Variants in ZNF2 observed in about 807,000 individuals in gnomAD.
ZNF2 encodes zinc finger protein 2.
Under a neutral mutation model 21.9 loss-of-function variants are expected in ZNF2, and 12 were observed. The observed-to-expected ratio is 0.55, with a 90% CI of 0.35 to 0.89. ZNF2 has a LOEUF of 0.89. Ranked by LOEUF, ZNF2 falls within the 40% of genes least tolerant of loss-of-function variation. The pLI, the probability that ZNF2 is intolerant of heterozygous loss-of-function variation, is 0.01. For missense variants in ZNF2, 462 were observed against 544.2 expected (o/e 0.85, Z 1.50); for synonymous variants, 186 against 196.3 (o/e 0.95, Z 0.44).
intron 1 of ZNF2, among the ~76,000 whole-genome samples, chr2:95,167,399 G>A (rs867705334): frequency 4.6e-5 from 7 of 151,590 alleles, no homozygotes; most frequent in South Asian, 2.1e-4. Context: ...CCGGCTACTC[G>A]GGAGGCTGAG....
intron 1 of ZNF2, among the ~76,000 whole-genome samples, chr2:95,168,004 T>C (rs1674141833): frequency 6.6e-6 from 1 of 151,920 alleles, no homozygotes; most frequent in Admixed American, 6.6e-5. Context: ...ACAACCTAAA[T>C]GAGAACTGCT....
chr2:95,177,684 C>G, intron 3 of ZNF2, 75 bp downstream of exon 3: 2 of 1,515,208 alleles, frequency 1.3e-6, no homozygotes, highest in Non-Finnish European at 1.8e-6. Context: ...GGAATTAATA[C>G]CGTTCTCCTC....
intron 1 of ZNF2, among the ~76,000 whole-genome samples, chr2:95,172,012 C>A (rs1030735495): frequency 6.6e-6 from 1 of 152,176 alleles, no homozygotes; most frequent in African/African-American, 2.4e-5. Flanking sequence ...TAGAGGAATC[C>A]GTATATAGGC....
chr2:95,180,992 G>A lies in ZNF2; in HGVS notation c.275-111G>A, dbSNP rs769792608. ...CTGCCGTGTAAGACTATCTATGGGA[G>A]CAAGCAATGCAGTGACCATACATTA... is the stretch of plus-strand genomic sequence containing the variant. On this transcript the variant is annotated intron_variant, in intron 4 of 4. Coordinates refer to ENST00000614034, the MANE Select transcript of ZNF2 (RefSeq NM_021088.4). The A allele has an allele frequency of 4.3e-4, 558 of 1,311,282 alleles. 1 individual carries two copies. Among genetic ancestry groups the A allele is most frequent in the Non-Finnish European group, 5.5e-4 (517 of 944,800 alleles). 81.2% of individuals were successfully genotyped at this position (1,311,282 alleles called of 1,614,324 possible).
rs183000994 is a variant in ZNF2 at position 95,184,118 on chromosome 2, A to G, written c.*2012A>G. On this transcript the variant is annotated 3_prime_UTR_variant, in exon 5 of 5. Coordinates refer to ENST00000614034, the MANE Select transcript of ZNF2 (RefSeq NM_021088.4). ...GTTCAAGTCGGATTCGAGAAGCTGAATTACCAAACAGACCCTCCCCAACCT... is the reference window on the plus strand; with the variant it reads ...GTTCAAGTCGGATTCGAGAAGCTGAGTTACCAAACAGACCCTCCCCAACCT... 5 of 152,344 alleles carry G rather than the reference A, an allele frequency of 3.3e-5. No homozygotes were observed. Among genetic ancestry groups the G allele is most frequent in the Non-Finnish European group, 7.3e-5 (5 of 68,044 alleles). The allele number at this position is 152,344 out of a possible 1,614,324, so 9.4% of individuals were successfully genotyped here.
At chr2:95,179,453 A>G (rs538965965) in intron 3 of ZNF2, among the ~76,000 whole-genome samples, 237 of 152,350 alleles carry the variant, frequency 1.6e-3, no homozygotes, top group Non-Finnish European at 1.9e-3. Flanking sequence ...TGAAAGCACA[A>G]TGTTCAAGGC....
At chr2:95,177,345 T>A in intron 2 of ZNF2, 138 bp from the exon 3 acceptor site, 1 of 1,016,194 alleles carries the variant, frequency 9.8e-7, no homozygotes, top group Non-Finnish European at 1.4e-6. Flanking sequence ...TCCCAAATGC[T>A]TTAAAGTTCT....
Position 95,176,250 on chromosome 2 carries a change from C to G in ZNF2, c.24C>G (p.Thr8=). 18 of 1,614,178 alleles carry G rather than the reference C, an allele frequency of 1.1e-5. No individual in the cohort carries two copies. Among genetic ancestry groups the G allele is most frequent in the Non-Finnish European group, 1.5e-5 (18 of 1,180,040 alleles). Residue 8 remains threonine, a synonymous_variant, in exon 2 of 5, where the codon ACC becomes ACG. Transcript: ENST00000614034. MAAVSPT[T]RCQESVTFED... ...GAATGGCTGCTGTGTCTCCGACCAC[C>G]AGATGCCAGGTGAGGTGGACTTTTG...
At position 95,183,965 on chromosome 2, in the gene ZNF2, C is replaced by A. The variant is rs1307926068; in HGVS notation, c.*1859C>A. 6.6e-6 allele frequency: 1 copy of A among 152,102 alleles called. No individual in the cohort carries two copies. Among genetic ancestry groups the A allele is most frequent in the African/African-American group, 2.4e-5 (1 of 41,426 alleles). The allele number at this position is 152,102 out of a possible 1,614,324, so 9.4% of individuals were successfully genotyped here. ...GGTTAGGCACTAGATGACCTTGACTCTAGGCATCTGCATTCTCTTGATCTT... is the reference window on the plus strand; with the variant it reads ...GGTTAGGCACTAGATGACCTTGACTATAGGCATCTGCATTCTCTTGATCTT... On this transcript the variant is annotated 3_prime_UTR_variant, in exon 5 of 5. Coordinates refer to ENST00000614034, the MANE Select transcript of ZNF2 (RefSeq NM_021088.4).
chr2:95,175,427 G>C (rs1358023679), intron 1 of ZNF2, among the ~76,000 whole-genome samples: 3 of 152,160 alleles, frequency 2.0e-5, no homozygotes, highest in Admixed American at 1.3e-4. Context: ...GCTTCCCCCT[G>C]CCTGCCTCTG....
rs1240209577 is a variant in ZNF2 at position 95,183,643 on chromosome 2, C to CA, written c.*1538dup. On this transcript the variant is annotated 3_prime_UTR_variant, in exon 5 of 5. Transcript: ENST00000614034. ...TTTTTTTTTTTTTTTTTTTGTGAGA[C>CA]AGAGTCTCACTCTGTCACCCAGGTT... 2 of 113,190 alleles carry CA rather than the reference C, an allele frequency of 1.8e-5. No individual in the cohort carries two copies. The highest frequency in any genetic ancestry group is 3.3e-5 in the Non-Finnish European group (2 of 59,924). 7.0% of individuals were successfully genotyped at this position (113,190 alleles called of 1,614,324 possible). A position where few individuals can be genotyped will look rare whatever the true frequency, so the allele number is the denominator to read the frequency against.
chr2:95,181,196 C>A lies in ZNF2; in HGVS notation c.368C>A (p.Pro123His). Residue 123 changes from proline to histidine, a missense_variant, in exon 5 of 5, where the codon CCT (proline) becomes CAT (histidine). Coordinates refer to ENST00000614034, the MANE Select transcript of ZNF2 (RefSeq NM_021088.4). ...ECLGRQSPLC[P>H]KFEVHTPNGR... ...CTTGGAAGGCAAAGTCCTCTGTGTC[C>A]TAAATTTGAAGTTCATACACCCAAT... is the stretch of plus-strand genomic sequence containing the variant. 1 of 1,614,146 alleles carries A rather than the reference C, an allele frequency of 6.2e-7. No individual in the cohort carries two copies. The highest frequency in any genetic ancestry group is 8.5e-7 in the Non-Finnish European group (1 of 1,180,036).
chr2:95,176,120 A>C, intron 1 of ZNF2, 68 bp from the exon 2 acceptor site: 2 of 1,399,906 alleles, frequency 1.4e-6, no homozygotes, highest in South Asian at 2.3e-5. Context: ...TTCATGGGTC[A>C]AAAGACTATG....
rs1349620572 is a variant in ZNF2, at chr2:95,177,685, C to T, written c.160+76C>T. ...GCTGAGAGGGCTGAGGAATTAATAC[C>T]GTTCTCCTCCCCGCTGAGTTCTGAG... On this transcript the variant is annotated intron_variant, in intron 3 of 4. Transcript: ENST00000614034. 8.6e-6 allele frequency: 13 copies of T among 1,513,146 alleles called. No individual in the cohort carries two copies. In the East Asian group the frequency reaches 1.4e-4, roughly 16 times the overall value. 93.7% of individuals were successfully genotyped at this position (1,513,146 alleles called of 1,614,324 possible).
chr2:95,177,293 T>C (rs950031782), intron 2 of ZNF2, among the ~76,000 whole-genome samples, 190 bp from the exon 3 acceptor site: 1 of 151,954 alleles, frequency 6.6e-6, no homozygotes, highest in African/African-American at 2.4e-5. Context: ...TGGTGTGAGA[T>C]TCTGACCAAG....
chr2:95,174,514 AT>A (rs1388072209), intron 1 of ZNF2, among the ~76,000 whole-genome samples: 3 of 152,130 alleles, frequency 2.0e-5, no homozygotes, highest in Admixed American at 6.6e-5. Context: ...AATCCTTTCC[AT>A]GTAAAGACCT....
rs561742502 is a variant in ZNF2 at position 95,180,115 on chromosome 2, TC to T, written c.161-43del. The T allele has an allele frequency of 5.2e-5, 72 of 1,380,406 alleles. 1 individual carries two copies. The African/African-American group carries it at 8.7e-4, about 17-fold the overall frequency. The allele number at this position is 1,380,406 out of a possible 1,614,324, so 85.5% of individuals were successfully genotyped here. On this transcript the variant is annotated intron_variant, in intron 3 of 4. Coordinates refer to ENST00000614034, the MANE Select transcript of ZNF2 (RefSeq NM_021088.4). ...GAGCTTTGGGAGAGTGATATTATTT[TC>T]ATCACACACAGCCACCTGCTTTGTT...
intron 1 of ZNF2, among the ~76,000 whole-genome samples, chr2:95,170,197 A>G (rs571010002): frequency 1.8e-4 from 27 of 152,330 alleles, no homozygotes; most frequent in African/African-American, 6.3e-4. Flanking sequence ...CTTTTAGACA[A>G]TACACGTTGC....
rs1405051394 is a variant in ZNF2 at position 95,181,107 on chromosome 2, G to T, written c.279G>T (p.Trp93Cys). 6.2e-7 allele frequency: 1 copy of T among 1,612,344 alleles called. No individual in the cohort carries two copies. Residue 93 changes from tryptophan (W) to cysteine (C), a missense_variant, in exon 5 of 5, where the codon TGG becomes TGT. Trp to Cys is a radical substitution (Grantham distance 215). Coordinates refer to ENST00000614034, the MANE Select transcript of ZNF2 (RefSeq NM_021088.4). ...TCTGTTTTCTGTTTGTTCCAGACTG[G>T]GAAACTAAGCCTGAGATTCACGATG... ...REWPESVSLDWETKPEIHDAS... is the reference protein window; with the variant it reads ...REWPESVSLDCETKPEIHDAS...
Sources: allele counts gnomAD v4.1 joint callset (sites outside exome capture counted in the v4.1 genomes callset), GRCh38; gene constraint gnomAD v4.1.1; transcripts MANE v1.5; gene names NCBI Gene and HGNC (gene_info 2026-07-23, HGNC 2026-07-21).